PLXNB3: variants seen among roughly 807,000 people sequenced by gnomAD.
PLXNB3 encodes plexin B3, also known as plexin-B3.
In PLXNB3, 80 loss-of-function variants were observed where a neutral mutation model predicts 125.7. The observed-to-expected ratio is 0.64, with a 90% CI of 0.53 to 0.77. The LOEUF is 0.77. PLXNB3 is among the 30% of genes least tolerant of loss of function. PLXNB3 has a pLI of 0.00. For missense variants in PLXNB3, 1,836 were observed against 1,729.3 expected (o/e 1.06, Z -1.09); for synonymous variants, 954 against 783.3 (o/e 1.22, Z -3.64).
rs1557060600 is a variant in PLXNB3, at chrX:153,769,158, C to A, written c.1396-4C>A. 1 of 1,192,650 alleles carries A rather than the reference C, an allele frequency of 8.4e-7. No individual in the cohort carries two copies. On this transcript the variant is annotated splice_region_variant and splice_polypyrimidine_tract_variant and intron_variant, in intron 5 of 35. Coordinates refer to ENST00000361971, the MANE Select transcript of PLXNB3 (RefSeq NM_005393.3). ...ATTGCCTCTCTGCTCTGCTGCCCCTCCAGGTGGACCGGATACCTGTGGCAG... is the reference window on the plus strand; with the variant it reads ...ATTGCCTCTCTGCTCTGCTGCCCCTACAGGTGGACCGGATACCTGTGGCAG...
Position 153,778,340 on chromosome X carries a change from C to T in PLXNB3, c.5474+15C>T, listed in dbSNP as rs1271239346. On this transcript the variant is annotated intron_variant, in intron 33 of 35. Transcript: ENST00000361971. Reference sequence around the variant, plus strand: ...ATGGTGGAGAGGTGGGTGTCAGAGGCATCGGGGCTGCGGGGAAGGGGGCTG... The same window carrying T: ...ATGGTGGAGAGGTGGGTGTCAGAGGTATCGGGGCTGCGGGGAAGGGGGCTG... 1.7e-6 allele frequency: 2 copies of T among 1,207,872 alleles called. No homozygotes were observed. Among genetic ancestry groups the T allele is most frequent in the Non-Finnish European group, 2.2e-6 (2 of 892,895 alleles).
chrX:153,775,731 A>G, intron 26 of PLXNB3, 71 bp downstream of exon 26: 2 of 1,114,729 alleles, frequency 1.8e-6, no homozygotes, highest in South Asian at 1.9e-5. Flanking sequence ...TGAGGGGGCT[A>G]CTGCCTGCGC....
In PLXNB3 at chrX:153,770,989, T is replaced by C. The variant is rs1557061624; in HGVS notation, c.2161T>C (p.Trp721Arg). 1.7e-6 allele frequency: 2 copies of C among 1,211,087 alleles called. No individual in the cohort carries two copies. The highest frequency in any genetic ancestry group is 1.1e-6 in the Non-Finnish European group (1 of 895,461). ...FRGLPASFHCWLELPGELRGL... is the reference protein window; with the variant it reads ...FRGLPASFHCRLELPGELRGL... ...GGGCCTGCCTGCCTCCTTCCACTGC[T>C]GGCTGGAGCTGCCTGGAGAACTTCG... The change falls in exon 12 of 36, where the codon TGG (tryptophan) becomes CGG (arginine). Residue 721 changes from tryptophan to arginine, a missense_variant. Trp to Arg is a moderately radical substitution (Grantham distance 101). Coordinates refer to ENST00000361971, the MANE Select transcript of PLXNB3 (RefSeq NM_005393.3).
At position 153,769,909 on chromosome X, in the gene PLXNB3, G is replaced by C. The variant is rs34461520; in HGVS notation, c.1599G>C (p.Pro533=). ...SHCLHIQSLL[P]GHHPRQEQGQ... is the part of the protein sequence containing the mutation. Reference sequence around the variant, plus strand: ...GCCTGCACATCCAGAGCCTGCTGCCGGGCCACCACCCCCGCCAGGAGCAGG... The same window carrying C: ...GCCTGCACATCCAGAGCCTGCTGCCCGGCCACCACCCCCGCCAGGAGCAGG... The change falls in exon 7 of 36, where the codon CCG becomes CCC. Residue 533 remains proline, a synonymous_variant. Coordinates refer to ENST00000361971, the MANE Select transcript of PLXNB3 (RefSeq NM_005393.3). 4 of 1,208,595 alleles carry C rather than the reference G, an allele frequency of 3.3e-6. No homozygotes were observed. Among genetic ancestry groups the C allele is most frequent in the Non-Finnish European group, 3.4e-6 (3 of 894,498 alleles).
At position 153,773,943 on chromosome X, in the gene PLXNB3, G is replaced by T. The variant is rs372502098; in HGVS notation, c.3364G>T (p.Val1122Phe). 4.8e-5 allele frequency: 58 copies of T among 1,210,043 alleles called. No individual in the cohort carries two copies. The highest frequency in any genetic ancestry group is 6.1e-5 in the Non-Finnish European group (55 of 895,219). ...ACCAGACAGAGCCCACCCGCAGCGG[G>T]TCTTCTTCACCCTAGACAACGTGCA... ...AVPDRAHPQR[V>F]FFTLDNVQVD... The change falls in exon 20 of 36, where the codon GTC becomes TTC. Residue 1122 changes from valine (V) to phenylalanine (F), a missense_variant. Transcript: ENST00000361971.
intron 17 of PLXNB3, 24 bp downstream of exon 17, chrX:153,773,040 C>A (rs368621997): frequency 1.7e-6 from 2 of 1,151,049 alleles, no homozygotes; most frequent in Non-Finnish European, 2.3e-6. Context: ...TGGCTGCCGT[C>A]GGGTGGTGGG....
rs782161829 is a variant in PLXNB3, at chrX:153,777,523, C to T, written c.5101-5C>T. ...TCCACACAGCCCTTATCCCCTGCCT[C>T]GCAGGGCACGCTGCAGAAGTTTGTG... On this transcript the variant is annotated splice_region_variant and splice_polypyrimidine_tract_variant and intron_variant, in intron 30 of 35. Coordinates refer to ENST00000361971, the MANE Select transcript of PLXNB3 (RefSeq NM_005393.3). The T allele has an allele frequency of 4.5e-5, 55 of 1,209,675 alleles. No individual in the cohort carries two copies. The highest frequency in any genetic ancestry group is 5.4e-5 in the Non-Finnish European group (48 of 894,721).
intron 19 of PLXNB3, 24 bp from the exon 20 acceptor site, chrX:153,773,835 T>C (rs1173134603): frequency 8.3e-7 from 1 of 1,209,067 alleles, no homozygotes; most frequent in Non-Finnish European, 1.1e-6. Context: ...ACTCCACCTG[T>C]GGTCGGCCCT....
At chrX:153,766,554 GC>G (rs2091860532) in intron 2 of PLXNB3, 2 of 1,029,985 alleles carry the variant, frequency 1.9e-6, no homozygotes, top group Non-Finnish European at 2.5e-6. Flanking sequence ...TCCAGGACCT[GC>G]CCCCCTTCAA....
At chrX:153,769,385 C>A (rs1245266613) in intron 6 of PLXNB3, 123 bp downstream of exon 6, 5 of 529,153 alleles carry the variant, frequency 9.4e-6, no homozygotes, top group Non-Finnish European at 1.5e-5. Flanking sequence ...CTCAGGGCCA[C>A]CACGGAGGTC....
At chrX:153,775,797 C>G in intron 26 of PLXNB3, 90 bp from the exon 27 acceptor site, 1 of 1,099,685 alleles carries the variant, frequency 9.1e-7, no homozygotes, top group Non-Finnish European at 1.2e-6. Context: ...ACTTTGAACC[C>G]TCTCCGGGGC....
chrX:153,773,169 C>T (rs943687510), intron 17 of PLXNB3, 61 bp from the exon 18 acceptor site: 114 of 1,123,593 alleles, frequency 1.0e-4, no homozygotes, highest in Non-Finnish European at 1.1e-5. Flanking sequence ...GGGGGTTGGG[C>T]CAGGGCTGGG....
chrX:153,772,087 G>A (rs2091937054), intron 15 of PLXNB3, 72 bp downstream of exon 15: 1 of 1,038,966 alleles, frequency 9.6e-7, no homozygotes, highest in South Asian at 3.0e-5. Flanking sequence ...AGGAAGGCCT[G>A]TGGCCAAGAA....
chrX:153,772,775 G>A, intron 16 of PLXNB3, 111 bp from the exon 17 acceptor site: 5 of 1,034,965 alleles, frequency 4.8e-6, no homozygotes, highest in Non-Finnish European at 6.1e-6. Flanking sequence ...CCCAGGAGGT[G>A]AAGTCCAGAG....
chrX:153,770,426 G>A lies in PLXNB3; in HGVS notation c.1875G>A (p.Gln625=). ...NFSFYDCSAV[Q]ALEAAAPCRA... Reference sequence around the variant, plus strand: ...CCTTTTATGACTGCAGTGCCGTCCAGGCCTTGGAGGCGGCTGCCCCGTGAG... The same window carrying A: ...CCTTTTATGACTGCAGTGCCGTCCAAGCCTTGGAGGCGGCTGCCCCGTGAG... Residue 625 remains glutamine (Q), a synonymous_variant, in exon 9 of 36, where the codon CAG becomes CAA. Coordinates refer to ENST00000361971, the MANE Select transcript of PLXNB3 (RefSeq NM_005393.3). 8.3e-7 allele frequency: 1 copy of A among 1,209,480 alleles called. No homozygotes were observed. Among genetic ancestry groups the A allele is most frequent in the South Asian group, 1.8e-5 (1 of 56,840 alleles).
chrX:153,772,644 G>C (rs1393052556), intron 16 of PLXNB3: 2 of 955,196 alleles, frequency 2.1e-6, no homozygotes, highest in African/African-American at 4.0e-5. Flanking sequence ...TGTCCCAAGG[G>C]GGACAGAGTG....
In PLXNB3 at chrX:153,777,516, C is replaced by T; in HGVS notation, c.5101-12C>T. ...CCTGCCCTCCACACAGCCCTTATCC[C>T]CTGCCTCGCAGGGCACGCTGCAGAA... On this transcript the variant is annotated splice_polypyrimidine_tract_variant and intron_variant, in intron 30 of 35. Coordinates refer to ENST00000361971, the MANE Select transcript of PLXNB3 (RefSeq NM_005393.3). 1.7e-6 allele frequency: 2 copies of T among 1,210,435 alleles called. No homozygotes were observed. The highest frequency in any genetic ancestry group is 2.2e-6 in the Non-Finnish European group (2 of 894,683).
chrX:153,767,223 C>A lies in PLXNB3; in HGVS notation c.396C>A (p.Cys132Ter), dbSNP rs1032977318. Reference protein sequence around the residue: ...VSSRAQELVACGQVRQGVCET... With the variant: ...VSSRAQELVA ...GCCGCGCCCAGGAGCTGGTGGCCTG[C>A]GGGCAGGTGCGGCAGGGCGTGTGTG... The change falls in exon 3 of 36, where the codon TGC (cysteine) becomes TGA (stop). Residue 132 changes from cysteine (C) to a stop codon, truncating the protein, a stop_gained. Coordinates refer to ENST00000361971, the MANE Select transcript of PLXNB3 (RefSeq NM_005393.3). LOFTEE classifies it high-confidence loss of function. The A allele has an allele frequency of 8.3e-7, 1 of 1,202,762 alleles. No individual in the cohort carries two copies.
In PLXNB3 at chrX:153,773,383, G is replaced by A. The variant is rs369739411; in HGVS notation, c.3060G>A (p.Ala1020=). 133 of 1,203,717 alleles carry A rather than the reference G, an allele frequency of 1.1e-4. No individual in the cohort carries two copies. Among genetic ancestry groups the A allele is most frequent in the South Asian group, 9.1e-4 (51 of 55,907 alleles). ...RYTANPQLVA[A]EPSASFRGGG... is the part of the protein sequence containing the mutation. ...CCGCCAACCCCCAGCTTGTAGCGGC[G>A]GAGCCCAGTGCCAGCTTCCGGGGGT... The change falls in exon 18 of 36, where the codon GCG becomes GCA. Residue 1020 remains alanine, a synonymous_variant. Transcript: ENST00000361971.
Sources: allele counts gnomAD v4.1 joint callset, GRCh38; gene constraint gnomAD v4.1.1; transcripts MANE v1.5; gene names NCBI Gene and HGNC (gene_info 2026-07-23, HGNC 2026-07-21).